Variants in SPOCK1 observed in about 807,000 individuals in gnomAD.
SPOCK1 encodes the protein testican-1.
SPOCK1 carries 23 observed loss-of-function variants against 55.3 expected under a neutral mutation model. That is an observed-to-expected ratio of 0.42 (90% CI 0.30 to 0.59). The LOEUF (loss-of-function observed/expected upper bound fraction) is 0.59, where lower values mean the gene tolerates loss of function less well. Ranked by LOEUF, SPOCK1 falls within the 20% of genes least tolerant of loss-of-function variation. The probability of loss-of-function intolerance (pLI) is 0.22; values close to 1 mark genes in which losing one functional copy is unlikely to be tolerated. For missense variants in SPOCK1, 499 were observed against 552.5 expected, an observed-to-expected ratio of 0.90 and a Z score of 0.97; for synonymous variants, 226 against 221.0, an observed-to-expected ratio of 1.02 and a Z score of -0.20.
intron 2 of SPOCK1, among the ~76,000 whole-genome samples, chr5:137,352,826 A>G (rs955146106): frequency 6.6e-6 from 1 of 152,226 alleles, no homozygotes; most frequent in Non-Finnish European, 1.5e-5. Context: ...TCTCTAGTTC[A>G]AAACAAAGAT....
At chr5:137,293,616 T>C (rs763521516) in intron 2 of SPOCK1, among the ~76,000 whole-genome samples, 12 of 152,166 alleles carry the variant, frequency 7.9e-5, no homozygotes, top group Non-Finnish European at 1.5e-4. Context: ...GTATGAATCA[T>C]GAATACTACC....
chr5:137,441,532 T>C (rs571267545), intron 2 of SPOCK1, among the ~76,000 whole-genome samples: 1 of 152,190 alleles, frequency 6.6e-6, no homozygotes, highest in Admixed American at 6.5e-5. Context: ...CACAGGCAAA[T>C]GAGCAAATGT....
intron 2 of SPOCK1, among the ~76,000 whole-genome samples, chr5:137,431,873 T>C (rs969715299): frequency 5.9e-5 from 9 of 152,224 alleles, no homozygotes; most frequent in African/African-American, 2.2e-4. Context: ...CTTTATAAAT[T>C]GCCCCGTCTT....
chr5:137,199,302 T>C (rs1755365081), intron 3 of SPOCK1, among the ~76,000 whole-genome samples: 1 of 152,132 alleles, frequency 6.6e-6, no homozygotes, highest in Non-Finnish European at 1.5e-5. Context: ...TCCAATATCA[T>C]CAATACCACT....
At chr5:137,380,215 C>A (rs55982560) in intron 2 of SPOCK1, among the ~76,000 whole-genome samples, 1 of 151,974 alleles carries the variant, frequency 6.6e-6, no homozygotes, top group Non-Finnish European at 1.5e-5. Context: ...TGGTGGCGGC[C>A]GGGGGAAAGG....
intron 3 of SPOCK1, among the ~76,000 whole-genome samples, chr5:137,243,524 A>G (rs1466482386): frequency 6.6e-6 from 1 of 152,222 alleles, no homozygotes; most frequent in Non-Finnish European, 1.5e-5. Flanking sequence ...ACTGATTTAA[A>G]GTTTCTAAGA....
intron 2 of SPOCK1, among the ~76,000 whole-genome samples, chr5:137,400,618 C>T (rs1040180317): frequency 8.5e-5 from 13 of 152,176 alleles, no homozygotes; most frequent in African/African-American, 3.1e-4. Flanking sequence ...AACTCTCCGC[C>T]TAACTAGTCT....
intron 2 of SPOCK1, among the ~76,000 whole-genome samples, chr5:137,379,537 C>CCCA (rs945124767): frequency 7.4e-5 from 11 of 148,342 alleles, no homozygotes; most frequent in Non-Finnish European, 1.6e-4. Flanking sequence ...ACCCCCCCAC[C>CCCA]CCACCACCAC....
chr5:137,177,372 G>A (rs1401560074), intron 3 of SPOCK1, among the ~76,000 whole-genome samples: 1 of 152,164 alleles, frequency 6.6e-6, no homozygotes, highest in Non-Finnish European at 1.5e-5. Context: ...TCTGGGGTTG[G>A]AGGAGACCAG....
rs757130588 is a variant in SPOCK1, at chr5:137,439,165, ATGGG to A, written c.186+59204_186+59207del. The stretch of plus-strand genomic sequence containing the variant: ...AGGACAGGAGATGAAGAGACAGAGG[ATGGG>A]GATGTTGCATGTGGGTGTGGCTGTG... On this transcript the variant is annotated intron_variant, in intron 2 of 10. Coordinates refer to ENST00000394945, the MANE Select transcript of SPOCK1 (RefSeq NM_004598.4). 2.5e-3 allele frequency among the ~76,000 whole-genome samples: 384 copies of A among 152,340 alleles called. 4 individuals carry two copies. The highest frequency in any genetic ancestry group is 2.1e-3 in the Non-Finnish European group (145 of 68,024).
chr5:137,313,628 T>A, intron 2 of SPOCK1: 1 of 292,822 alleles, frequency 3.4e-6, no homozygotes, highest in Non-Finnish European at 5.1e-6. Flanking sequence ...TGCACAAATA[T>A]AGATGCTCTG....
chr5:137,370,069 C>T lies in SPOCK1; in HGVS notation c.187-103014G>A, dbSNP rs369698231. Among the ~76,000 whole-genome samples the T allele has an allele frequency of 5.3e-5, 8 of 152,202 alleles. No individual in the cohort carries two copies. In the East Asian group the frequency reaches 1.2e-3, roughly 22 times the overall value. Reference sequence around the variant, plus strand: ...CTAGCTGGCCCGCTTATTCTGGTAGCGAGTGATGCAAGGATGGTGCCTAGG... The same window carrying T: ...CTAGCTGGCCCGCTTATTCTGGTAGTGAGTGATGCAAGGATGGTGCCTAGG... On this transcript the variant is annotated intron_variant, in intron 2 of 10. Transcript: ENST00000394945.
intron 5 of SPOCK1, among the ~76,000 whole-genome samples, chr5:137,101,734 T>G (rs774064357): frequency 1.9e-4 from 29 of 152,216 alleles, no homozygotes; most frequent in Non-Finnish European, 7.3e-5. Flanking sequence ...GCCTGAAAGT[T>G]TATCTTCAGG....
At chr5:137,137,472 T>A (rs2127049292) in intron 4 of SPOCK1, among the ~76,000 whole-genome samples, 1 of 152,286 alleles carries the variant, frequency 6.6e-6, no homozygotes, top group East Asian at 1.9e-4. Context: ...ATTCAGCCTC[T>A]AAGAGGAAGA....
intron 2 of SPOCK1, among the ~76,000 whole-genome samples, chr5:137,402,857 A>C (rs1191918688): frequency 6.6e-6 from 1 of 152,250 alleles, no homozygotes; most frequent in Admixed American, 6.5e-5. Flanking sequence ...AATTTTACTT[A>C]AAGTTTCTCC....
chr5:136,999,147 A>G (rs1751101858), intron 6 of SPOCK1, among the ~76,000 whole-genome samples: 1 of 152,152 alleles, frequency 6.6e-6, no homozygotes, highest in African/African-American at 2.4e-5. Context: ...AGCATGAGGA[A>G]CGCAGCTGAT....
At chr5:137,332,562 T>C (rs1758206603) in intron 2 of SPOCK1, among the ~76,000 whole-genome samples, 1 of 152,220 alleles carries the variant, frequency 6.6e-6, no homozygotes, top group Non-Finnish European at 1.5e-5. Context: ...GCCAGCACCA[T>C]GGATGCTTCT....
intron 2 of SPOCK1, among the ~76,000 whole-genome samples, chr5:137,269,730 GAA>G (rs1390727991): frequency 1.3e-5 from 2 of 151,992 alleles, no homozygotes; most frequent in South Asian, 2.1e-4. Flanking sequence ...AAAGACAAAA[GAA>G]AAAAGAATGG....
At chr5:137,302,296 G>A (rs546318228) in intron 2 of SPOCK1, among the ~76,000 whole-genome samples, 363 of 152,160 alleles carry the variant, frequency 2.4e-3, no homozygotes, top group African/African-American at 8.2e-3. Context: ...TAGGCTGGGC[G>A]CGGTGGCTCA....
Sources: allele counts gnomAD v4.1 joint callset (sites outside exome capture counted in the v4.1 genomes callset), GRCh38; gene constraint gnomAD v4.1.1; transcripts MANE v1.5; gene names NCBI Gene and HGNC (gene_info 2026-07-23, HGNC 2026-07-21).